Variants in TDRD5 observed in about 807,000 individuals in gnomAD.
The protein encoded by TDRD5 is tudor domain-containing protein 5.
TDRD5 carries 41 observed loss-of-function variants against 120.6 expected under a neutral mutation model. The observed-to-expected ratio is 0.34, with a 90% confidence interval of 0.26 to 0.44. The LOEUF is 0.44. Among genes scored for constraint, TDRD5 ranks in the 20% least tolerant of loss-of-function variants. The pLI, the probability that TDRD5 is intolerant of heterozygous loss-of-function variation, is 1.00. For missense variants in TDRD5, 1,006 were observed against 1,221.2 expected (o/e 0.82, Z 2.63); for synonymous variants, 430 against 433.7 (o/e 0.99, Z 0.11).
At chr1:179,595,978 A>T (rs1453084861) in intron 4 of TDRD5, among the ~76,000 whole-genome samples, 160 bp downstream of exon 4, 1 of 152,260 alleles carries the variant, frequency 6.6e-6, no homozygotes, top group Non-Finnish European at 1.5e-5. Context: ...ATTAGTAAGA[A>T]GTGAGAAGTG....
rs1558435895 is a variant in TDRD5 at position 179,690,683 on chromosome 1, CTT to C, written c.2861-11_2861-10del. 6.2e-7 allele frequency: 1 copy of C among 1,610,584 alleles called. No homozygotes were observed. The highest frequency in any genetic ancestry group is 1.1e-5 in the South Asian group (1 of 90,670). ...CCCCTTGAAAAGATGTTTGTGTACT[CTT>C]TCTTTTCCAGTGGAAAGCTCACCAG... On this transcript the variant is annotated splice_polypyrimidine_tract_variant and intron_variant, in intron 17 of 17. Coordinates refer to ENST00000444136, the MANE Select transcript of TDRD5 (RefSeq NM_001199085.3).
intron 3 of TDRD5, among the ~76,000 whole-genome samples, chr1:179,595,058 TG>T (rs1380188606): frequency 3.9e-5 from 6 of 152,086 alleles, no homozygotes; most frequent in African/African-American, 1.4e-4. Flanking sequence ...TTTTTGTTTT[TG>T]TTTTTTTTTG....
chr1:179,633,751 C>T (rs570737523), intron 7 of TDRD5, among the ~76,000 whole-genome samples: 104 of 152,060 alleles, frequency 6.8e-4, no homozygotes, highest in African/African-American at 2.4e-3. Flanking sequence ...ATTAAGGAAT[C>T]GTATTATGGA....
chr1:179,635,851 C>T lies in TDRD5; in HGVS notation c.1484C>T (p.Ser495Leu), dbSNP rs762569393. 8 of 1,613,552 alleles carry T rather than the reference C, an allele frequency of 5.0e-6. No homozygotes were observed. In the Admixed American group the frequency reaches 5.0e-5, roughly 10 times the overall value. ...TACATCCGGATCTATAGCAGGGATT[C>T]GTCAGAGTTACTCGAAGACATGATG... The part of the protein sequence containing the change: ...QFYIRIYSRD[S>L]SELLEDMMIE... The change falls in exon 9 of 18, where the codon TCG (serine) becomes TTG (leucine). Residue 495 changes from serine (S) to leucine (L), a missense_variant. Transcript: ENST00000444136.
chr1:179,630,917 C>T lies in TDRD5; in HGVS notation c.1123C>T (p.Pro375Ser), dbSNP rs374561702. 1.3e-5 allele frequency: 21 copies of T among 1,611,860 alleles called. No homozygotes were observed. The highest frequency in any genetic ancestry group is 1.7e-5 in the Non-Finnish European group (20 of 1,179,172). ...TGATGCGGATAAGAAGCCTCTACCA[C>T]CTGGTGAGTGGAACCACAGTATGAT... ...VFDADKKPLP[P>S]VQSDKKIEAK... is the part of the protein sequence containing the mutation. The change falls in exon 7 of 18, where the codon CCT (proline) becomes TCT (serine). Residue 375 changes from proline to serine, a missense_variant. Pro to Ser is a moderately conservative substitution (Grantham distance 74). Around this residue, in one of 3 missense-constraint regions of TDRD5, gnomAD observed 445 missense variants for 515.5 expected, o/e 0.86. Coordinates refer to ENST00000444136, the MANE Select transcript of TDRD5 (RefSeq NM_001199085.3).
intron 5 of TDRD5, 112 bp downstream of exon 5, chr1:179,618,794 G>A: frequency 1.5e-6 from 1 of 658,512 alleles, no homozygotes; most frequent in Non-Finnish European, 2.3e-6. Context: ...TTAATATACT[G>A]CAAACTAAGC....
chr1:179,672,285 T>C lies in TDRD5; in HGVS notation c.2860+2881T>C, dbSNP rs117261276. Among the ~76,000 whole-genome samples the C allele has an allele frequency of 5.5e-4, 84 of 152,260 alleles. 1 individual carries two copies. The East Asian group carries it at 0.015, about 27-fold the overall frequency. ...ATGCATGCCAACATCTATTATTTTT[T>C]TATTTTTTTGATTATGGGTATTCTT... On this transcript the variant is annotated intron_variant, in intron 17 of 17. Coordinates refer to ENST00000444136, the MANE Select transcript of TDRD5 (RefSeq NM_001199085.3).
At chr1:179,653,263 G>T (rs1678817440) in intron 13 of TDRD5, among the ~76,000 whole-genome samples, 1 of 152,118 alleles carries the variant, frequency 6.6e-6, no homozygotes, top group African/African-American at 2.4e-5. Flanking sequence ...TGAATAAAAT[G>T]TAAAAATATT....
Position 179,664,673 on chromosome 1 carries a change from A to G in TDRD5, c.2649+1182A>G, listed in dbSNP as rs533112333. Among the ~76,000 whole-genome samples, 55 of 152,244 alleles carry G rather than the reference A, an allele frequency of 3.6e-4. 1 individual carries two copies. In the South Asian group the frequency reaches 0.011, roughly 30 times the overall value. On this transcript the variant is annotated intron_variant, in intron 16 of 17. Transcript: ENST00000444136. ...CTATGGCTGAATAATATTCCCTTCT[A>G]TGATATACCACATCTTATTTATCCA...
At chr1:179,655,522 T>C (rs1678957125) in intron 14 of TDRD5, among the ~76,000 whole-genome samples, 1 of 152,220 alleles carries the variant, frequency 6.6e-6, no homozygotes, top group Admixed American at 6.5e-5. Context: ...AATGTGTAGA[T>C]TTGTGTAACC....
intron 4 of TDRD5, among the ~76,000 whole-genome samples, chr1:179,606,358 T>C (rs915318148): frequency 1.3e-5 from 2 of 151,890 alleles, no homozygotes; most frequent in African/African-American, 2.4e-5. Flanking sequence ...TTTTATCAGA[T>C]GTGTCTTGCA....
chr1:179,623,554 T>A (rs1225404793), intron 6 of TDRD5, among the ~76,000 whole-genome samples: 1 of 151,868 alleles, frequency 6.6e-6, no homozygotes, highest in Non-Finnish European at 1.5e-5. Context: ...GTTAAAACAT[T>A]TAAGGAAGAA....
rs545681518 is a variant in TDRD5 at position 179,630,789 on chromosome 1, C to T, written c.995C>T (p.Ser332Leu). 1.0e-4 allele frequency: 163 copies of T among 1,613,250 alleles called. 1 individual carries two copies. The South Asian group carries it at 1.6e-3, about 16-fold the overall frequency. ...CAGGTAATTTTTAAAGAGCAACTAT[C>T]ACCAAAAAAATTAGGCTTCTTAAAT... ...EYEVIFKEQL[S>L]PKKLGFLNVT... Residue 332 changes from serine (S) to leucine (L), a missense_variant, in exon 7 of 18, where the codon TCA becomes TTA. Physicochemically the swap from Ser to Leu is moderately radical, Grantham distance 145. This residue lies in a region of TDRD5 where 445 missense variants were observed against 515.5 expected (regional missense o/e 0.86). Coordinates refer to ENST00000444136, the MANE Select transcript of TDRD5 (RefSeq NM_001199085.3).
At chr1:179,597,355 G>T in intron 4 of TDRD5, among the ~76,000 whole-genome samples, 1 of 136,728 alleles carries the variant, frequency 7.3e-6, no homozygotes, top group Non-Finnish European at 1.5e-5. Flanking sequence ...TTTTTGATAG[G>T]GAGTCTCACC....
At chr1:179,627,005 T>A (rs1038707206) in intron 6 of TDRD5, among the ~76,000 whole-genome samples, 7 of 151,840 alleles carry the variant, frequency 4.6e-5, no homozygotes, top group African/African-American at 7.3e-5. Flanking sequence ...AAGAAAAAAA[T>A]TTTTCTGGGC....
intron 17 of TDRD5, among the ~76,000 whole-genome samples, chr1:179,670,261 G>A (rs537297671): frequency 6.6e-6 from 1 of 152,036 alleles, no homozygotes; most frequent in African/African-American, 2.4e-5. Context: ...ACAGTGTCAG[G>A]AGCCTGTAAT....
chr1:179,679,311 T>C (rs1680306924), intron 17 of TDRD5, among the ~76,000 whole-genome samples: 1 of 152,176 alleles, frequency 6.6e-6, no homozygotes, highest in Non-Finnish European at 1.5e-5. Context: ...TGAGGGATAT[T>C]TGTCTATAGT....
chr1:179,642,220 C>T (rs1185863264), intron 11 of TDRD5, among the ~76,000 whole-genome samples: 1 of 152,080 alleles, frequency 6.6e-6, no homozygotes, highest in East Asian at 1.9e-4. Flanking sequence ...CCTGCCTCAG[C>T]CTCCTGAGTA....
At chr1:179,634,391 A>T in intron 7 of TDRD5, 66 bp from the exon 8 acceptor site, 1 of 1,504,050 alleles carries the variant, frequency 6.6e-7, no homozygotes, top group African/African-American at 1.4e-5. Flanking sequence ...TTTAACAAAT[A>T]TGCATAGGCT....
Sources: gnomAD v4.1 joint callset for allele counts (sites outside exome capture counted in the v4.1 genomes callset) on GRCh38, gnomAD v4.1.1 for gene constraint, gnomAD v4.1.1 regional missense constraint, MANE v1.5 for transcripts, NCBI Gene and HGNC (gene_info 2026-07-23, HGNC 2026-07-21) for gene names.